DSTN: variants seen among roughly 807,000 people sequenced by gnomAD.
The protein encoded by DSTN is destrin, actin depolymerizing factor, also known as destrin.
DSTN carries 10 observed loss-of-function variants against 16.8 expected under a neutral mutation model. The observed-to-expected ratio is 0.60, with a 90% CI of 0.37 to 1.01. The LOEUF (loss-of-function observed/expected upper bound fraction) is 1.01, where lower values mean the gene tolerates loss of function less well. Ranked by LOEUF, DSTN falls within the 50% of genes least tolerant of loss-of-function variation. DSTN has a pLI of 0.01. For synonymous variants in DSTN, 57 were observed against 58.9 expected (o/e 0.97, Z 0.14); for missense variants, 141 against 196.7 (o/e 0.72, Z 1.69).
At chr20:17,604,091 C>T (rs1470935771) in intron 2 of DSTN, among the ~76,000 whole-genome samples, 3 of 152,100 alleles carry the variant, frequency 2.0e-5, no homozygotes, top group Non-Finnish European at 2.9e-5. Flanking sequence ...CTGGGTCACA[C>T]GTACTTACGG....
In DSTN at chr20:17,570,218, A is replaced by G. The variant is rs767484309; in HGVS notation, c.3+7A>G. The G allele has an allele frequency of 1.3e-6, 2 of 1,512,578 alleles. No individual in the cohort carries two copies. The highest frequency in any genetic ancestry group is 1.8e-6 in the Non-Finnish European group (2 of 1,134,408). The allele number at this position is 1,512,578 out of a possible 1,614,324, so 93.7% of individuals were successfully genotyped here. A position where few individuals can be genotyped will look rare whatever the true frequency, so the allele number is the denominator to read the frequency against. Reference sequence around the variant, plus strand: ...GACCGCCGCGGCGAAGATGGTGAGTAGGAGGGAGGCCGAGGCGTGGGCCGA... The same window carrying G: ...GACCGCCGCGGCGAAGATGGTGAGTGGGAGGGAGGCCGAGGCGTGGGCCGA... On this transcript the variant is annotated splice_region_variant and intron_variant, in intron 1 of 3. Transcript: ENST00000246069.
chr20:17,599,534 C>A (rs75071369), intron 1 of DSTN: 10,609 of 152,260 alleles, frequency 0.07, 593 homozygotes, highest in African/African-American at 0.15. Flanking sequence ...TCACATTGGC[C>A]TAAGAGGATG....
intron 1 of DSTN, among the ~76,000 whole-genome samples, chr20:17,573,621 C>T (rs1458346322): frequency 2.0e-5 from 3 of 152,120 alleles, no homozygotes; most frequent in Non-Finnish European, 4.4e-5. Flanking sequence ...ACTACTGGTT[C>T]GTTCTGGTTG....
chr20:17,578,626 T>C (rs2035306674), intron 1 of DSTN, among the ~76,000 whole-genome samples: 2 of 152,178 alleles, frequency 1.3e-5, no homozygotes, highest in Non-Finnish European at 2.9e-5. Flanking sequence ...CATTGAGGCA[T>C]CCTGAACCAT....
intron 1 of DSTN, among the ~76,000 whole-genome samples, chr20:17,598,240 TTA>T (rs34382427): frequency 0.12 from 18,406 of 152,202 alleles, 1,520 homozygotes; most frequent in Non-Finnish European, 0.18. Context: ...GGTGTTAACT[TTA>T]TGTTTAACTT....
intron 1 of DSTN, among the ~76,000 whole-genome samples, chr20:17,594,401 C>T (rs2035503083): frequency 6.6e-6 from 1 of 151,998 alleles, no homozygotes; most frequent in Non-Finnish European, 1.5e-5. Flanking sequence ...GAAAACAGAG[C>T]TTTAAGATCA....
At chr20:17,581,026 A>C (rs2035337326) in intron 1 of DSTN, among the ~76,000 whole-genome samples, 1 of 152,228 alleles carries the variant, frequency 6.6e-6, no homozygotes, top group Non-Finnish European at 1.5e-5. Flanking sequence ...AGAAAGGGCC[A>C]TTAGGTCAAA....
chr20:17,609,486 T>C lies in DSTN; in HGVS notation c.*2340T>C, dbSNP rs143128338. On this transcript the variant is annotated 3_prime_UTR_variant, in exon 4 of 4. Coordinates refer to ENST00000246069, the MANE Select transcript of DSTN (RefSeq NM_006870.4). ...GTCAAGGAGTTTTAGAAGGAGATTT[T>C]TCCTGTGGTGTTGGCTTAAGTGTGG... is the stretch of plus-strand genomic sequence containing the variant. 59 of 152,388 alleles carry C rather than the reference T, an allele frequency of 3.9e-4. 1 individual carries two copies. In the East Asian group the frequency reaches 0.01, roughly 26 times the overall value. The allele number at this position is 152,388 out of a possible 1,614,324, so 9.4% of individuals were successfully genotyped here.
chr20:17,594,637 A>C (rs1269312039), intron 1 of DSTN, among the ~76,000 whole-genome samples: 1 of 152,186 alleles, frequency 6.6e-6, no homozygotes, highest in African/African-American at 2.4e-5. Context: ...TGGGGAATGC[A>C]GTCTTTCCTG....
chr20:17,603,689 C>T (rs1376724197), intron 2 of DSTN, among the ~76,000 whole-genome samples: 2 of 152,190 alleles, frequency 1.3e-5, no homozygotes, highest in African/African-American at 2.4e-5. Context: ...TTCTAACACG[C>T]TTCCCTTCAA....
intron 1 of DSTN, 66 bp downstream of exon 1, chr20:17,570,277 CG>C: frequency 1.4e-6 from 2 of 1,434,878 alleles, no homozygotes; most frequent in Non-Finnish European, 9.1e-7. Context: ...TGGGGCGCCG[CG>C]GAGTCGGGGC....
intron 2 of DSTN, among the ~76,000 whole-genome samples, chr20:17,603,937 G>A (rs964217537): frequency 6.6e-6 from 1 of 152,066 alleles, no homozygotes; most frequent in Non-Finnish European, 1.5e-5. Context: ...ACCTGCTATT[G>A]GAATAGATGA....
At position 17,607,634 on chromosome 20, in the gene DSTN, C is replaced by T. The variant is rs1365125465; in HGVS notation, c.*488C>T. 6.6e-6 allele frequency: 1 copy of T among 152,466 alleles called. No individual in the cohort carries two copies. The highest frequency in any genetic ancestry group is 1.5e-5 in the Non-Finnish European group (1 of 68,256). The allele number at this position is 152,466 out of a possible 1,614,324, so 9.4% of individuals were successfully genotyped here. On this transcript the variant is annotated 3_prime_UTR_variant, in exon 4 of 4. Transcript: ENST00000246069. ...ACACTAATAGTAAGATTAAGTTAGG[C>T]AGTCTTCTACCAAATGTGTAATGGA... is the stretch of plus-strand genomic sequence containing the variant.
intron 1 of DSTN, among the ~76,000 whole-genome samples, chr20:17,574,734 AAAAAAAAAAAAAAT>A (rs1172818712): frequency 6.7e-6 from 1 of 149,210 alleles, no homozygotes; most frequent in Non-Finnish European, 1.5e-5. Context: ...TCAAAAAAAA[AAAAAAAAAAAAAAT>A]TAAAAGTCTA....
intron 1 of DSTN, among the ~76,000 whole-genome samples, chr20:17,583,716 G>GC (rs1256279790): frequency 7.1e-6 from 1 of 141,336 alleles, no homozygotes; most frequent in Non-Finnish European, 1.5e-5. Context: ...AGGAATGACT[G>GC]CTAATGGGTT....
intron 1 of DSTN, among the ~76,000 whole-genome samples, chr20:17,583,952 T>C (rs2035378437): frequency 6.6e-6 from 1 of 152,000 alleles, no homozygotes; most frequent in South Asian, 2.1e-4. Flanking sequence ...TTGCCGAGGT[T>C]GGTCTTGAAC....
chr20:17,595,621 A>G (rs77196267), intron 1 of DSTN, among the ~76,000 whole-genome samples: 1 of 139,378 alleles, frequency 7.2e-6, no homozygotes, highest in African/African-American at 2.8e-5. Context: ...GTCCATCTGG[A>G]AAAAAAAAAA....
rs1215685462 is a variant in DSTN at position 17,608,882 on chromosome 20, A to T, written c.*1736A>T. On this transcript the variant is annotated 3_prime_UTR_variant, in exon 4 of 4. Transcript: ENST00000246069. ...TACTATGGTGGTCCCATACAATTAT[A>T]ATGTATTTTCTACTGTAATTAGATA... is the stretch of plus-strand genomic sequence containing the variant. 6.6e-6 allele frequency: 1 copy of T among 152,196 alleles called. No homozygotes were observed. Among genetic ancestry groups the T allele is most frequent in the Non-Finnish European group, 1.5e-5 (1 of 68,042 alleles). The allele number at this position is 152,196 out of a possible 1,614,324, so 9.4% of individuals were successfully genotyped here.
intron 1 of DSTN, among the ~76,000 whole-genome samples, chr20:17,574,544 G>A (rs1042441039): frequency 2.6e-4 from 39 of 151,838 alleles, no homozygotes; most frequent in African/African-American, 9.2e-4. Context: ...AATTTGCTGT[G>A]TACCTAAAAC....
Sources: allele counts gnomAD v4.1 joint callset (sites outside exome capture counted in the v4.1 genomes callset), GRCh38; gene constraint gnomAD v4.1.1; transcripts MANE v1.5; gene names NCBI Gene and HGNC (gene_info 2026-07-23, HGNC 2026-07-21).